MTPAP: variants seen among roughly 807,000 people sequenced by gnomAD.
MTPAP encodes the protein mitochondrial poly(A) polymerase.
MTPAP carries 23 observed loss-of-function variants against 48.7 expected under a neutral mutation model. The ratio of observed to expected loss-of-function variants is 0.47; its 90% CI spans 0.34 to 0.67. The LOEUF is 0.67. MTPAP is among the 30% of genes least tolerant of loss of function. MTPAP has a pLI of 0.01. For missense variants in MTPAP, 614 were observed against 694.3 expected, an observed-to-expected ratio of 0.88 and a Z score of 1.30; for synonymous variants, 257 against 254.1, an observed-to-expected ratio of 1.01 and a Z score of -0.11.
rs1276150315 is a variant in MTPAP at position 30,349,127 on chromosome 10, A to C, written c.149T>G (p.Val50Gly). The C allele has an allele frequency of 6.2e-7, 1 of 1,613,444 alleles. No individual in the cohort carries two copies. Among genetic ancestry groups the C allele is most frequent in the Non-Finnish European group, 8.5e-7 (1 of 1,179,744 alleles). The change falls in exon 1 of 9, where the codon GTG (valine) becomes GGG (glycine). Residue 50 changes from valine (V) to glycine (G), a missense_variant. This residue lies in a region of MTPAP where 125 missense variants were observed against 111.5 expected (regional missense o/e 1.12). Transcript: ENST00000263063. Reference protein sequence around the residue: ...LRRDEQPSGSVETGFEDKIPK... With the variant: ...LRRDEQPSGSGETGFEDKIPK... ...CAAACCGGCGCCATCACCTGTCTCC[A>C]CGCTCCCTGAAGGCTGCTCGTCTCT... is the stretch of plus-strand genomic sequence containing the variant.
At chr10:30,342,909 T>C (rs1454616439) in intron 1 of MTPAP, among the ~76,000 whole-genome samples, 1 of 152,156 alleles carries the variant, frequency 6.6e-6, no homozygotes, top group Non-Finnish European at 1.5e-5. Flanking sequence ...AAGACAAGAA[T>C]TGTGACAGTG....
Position 30,335,449 on chromosome 10 carries a change from G to A in MTPAP, c.780+1354C>T, listed in dbSNP as rs116431788. Among the ~76,000 whole-genome samples the A allele has an allele frequency of 6.9e-3, 1,054 of 152,144 alleles. 10 individuals carry two copies. The highest frequency in any genetic ancestry group is 0.024 in the African/African-American group (986 of 41,514). ...TGCTGTGAGCCTAGATCACGTCACC[G>A]TACTTCAGCCTAGGCAACAGAGCAA... is the stretch of plus-strand genomic sequence containing the variant. On this transcript the variant is annotated intron_variant, in intron 4 of 8. Coordinates refer to ENST00000263063, the MANE Select transcript of MTPAP (RefSeq NM_018109.4).
intron 4 of MTPAP, among the ~76,000 whole-genome samples, chr10:30,332,597 A>G (rs182112515): frequency 1.4e-4 from 21 of 152,162 alleles, no homozygotes; most frequent in African/African-American, 5.1e-4. Flanking sequence ...CCCGGCCCAA[A>G]ATGCCTAATT....
intron 1 of MTPAP, among the ~76,000 whole-genome samples, chr10:30,342,320 T>C (rs1420640895): frequency 2.6e-5 from 4 of 151,494 alleles, no homozygotes. Context: ...ATGAATGTGG[T>C]CTCTCTCTCT....
chr10:30,331,506 A>C (rs1270561084), intron 4 of MTPAP, among the ~76,000 whole-genome samples: 1 of 152,240 alleles, frequency 6.6e-6, no homozygotes, highest in Non-Finnish European at 1.5e-5. Flanking sequence ...GACATATTTC[A>C]CATGTAACCA....
At chr10:30,327,961 C>G (rs1481742104) in intron 4 of MTPAP, among the ~76,000 whole-genome samples, 1 of 151,570 alleles carries the variant, frequency 6.6e-6, no homozygotes, top group South Asian at 2.1e-4. Context: ...CTTAGAATAG[C>G]GAAAGATTCT....
At chr10:30,331,803 G>T (rs1834669811) in intron 4 of MTPAP, among the ~76,000 whole-genome samples, 1 of 152,218 alleles carries the variant, frequency 6.6e-6, no homozygotes, top group African/African-American at 2.4e-5. Context: ...CTGACCTCAG[G>T]TGATCCGCCC....
At position 30,313,701 on chromosome 10, in the gene MTPAP, T is replaced by C; in HGVS notation, c.1657A>G (p.Thr553Ala). The C allele has an allele frequency of 6.2e-7, 1 of 1,614,212 alleles. No homozygotes were observed. Among genetic ancestry groups the C allele is most frequent in the African/African-American group, 1.3e-5 (1 of 75,058 alleles). ...KKKSNKFAIETVKNLLESLKG... is the reference protein window; with the variant it reads ...KKKSNKFAIEAVKNLLESLKG... ...AAAGATTCTAGCAAGTTTTTGACTG[T>C]TTCAATTGCAAACTTATTGCTTTTC... The change falls in exon 9 of 9, where the codon ACA (threonine) becomes GCA (alanine). Residue 553 changes from threonine to alanine, a missense_variant. Physicochemically the swap from Thr to Ala is moderately conservative, Grantham distance 58. Coordinates refer to ENST00000263063, the MANE Select transcript of MTPAP (RefSeq NM_018109.4).
chr10:30,316,230 T>C lies in MTPAP; in HGVS notation c.1220-20A>G. On this transcript the variant is annotated intron_variant, in intron 6 of 8. Coordinates refer to ENST00000263063, the MANE Select transcript of MTPAP (RefSeq NM_018109.4). ...CTGCATCTTAAACACAAACAAAAAA[T>C]ATTTCACGTGTTTTTTTTTTTTCTT... 1 of 1,589,818 alleles carries C rather than the reference T, an allele frequency of 6.3e-7. No homozygotes were observed. The highest frequency in any genetic ancestry group is 8.6e-7 in the Non-Finnish European group (1 of 1,159,806).
Position 30,340,438 on chromosome 10 carries a change from C to G in MTPAP, c.343G>C (p.Val115Leu). Residue 115 changes from valine (V) to leucine (L), a missense_variant, in exon 3 of 9, where the codon GTC (valine) becomes CTC (leucine). Physicochemically the swap from Val to Leu is conservative, Grantham distance 32. Around this residue, in one of 5 missense-constraint regions of MTPAP, gnomAD observed 114 missense variants for 107.9 expected, o/e 1.06. Transcript: ENST00000263063. ...CTTTCCTTTTGGCAAAATTCTACGA[C>G]AGCATAGAGACCCTATACCAAAAAC... ...FFYESFGLYAVVEFCQKESIG... is the reference protein window; with the variant it reads ...FFYESFGLYALVEFCQKESIG... 6.2e-7 allele frequency: 1 copy of G among 1,613,694 alleles called. No individual in the cohort carries two copies. The highest frequency in any genetic ancestry group is 8.5e-7 in the Non-Finnish European group (1 of 1,179,618).
chr10:30,333,956 ATC>A (rs2132861131), intron 4 of MTPAP, among the ~76,000 whole-genome samples: 1 of 152,242 alleles, frequency 6.6e-6, no homozygotes, highest in South Asian at 2.1e-4. Context: ...TTTAATTTTT[ATC>A]TGTTTCCTAT....
rs1441939529 is a variant in MTPAP at position 30,324,483 on chromosome 10, G to C, written c.993-1866C>G. ...AAAGGAGGATTGTTTGGGCCCAAGA[G>C]TTCGAGGCTACAGTGAGCTATGATC... On this transcript the variant is annotated intron_variant, in intron 5 of 8. Transcript: ENST00000263063. 2.0e-5 allele frequency among the ~76,000 whole-genome samples: 3 copies of C among 152,190 alleles called. No individual in the cohort carries two copies. The South Asian group carries it at 6.2e-4, about 32-fold the overall frequency.
rs1442770785 is a variant in MTPAP at position 30,313,741 on chromosome 10, C to T, written c.1617G>A (p.Lys539=). ...SLLLPSAPNR[K]SFTKKKSNKF... is the part of the protein sequence containing the mutation. ...TATTGCTTTTCTTCTTGGTAAAGGA[C>T]TTTCTGTTTGGAGCAGATGGTAGCA... Residue 539 remains lysine, a synonymous_variant, in exon 9 of 9, where the codon AAG becomes AAA. Coordinates refer to ENST00000263063, the MANE Select transcript of MTPAP (RefSeq NM_018109.4). The T allele has an allele frequency of 1.2e-6, 2 of 1,614,168 alleles. No individual in the cohort carries two copies. The highest frequency in any genetic ancestry group is 2.2e-5 in the East Asian group (1 of 44,890).
intron 5 of MTPAP, among the ~76,000 whole-genome samples, chr10:30,324,125 T>C (rs1471662682): frequency 6.6e-6 from 1 of 152,156 alleles, no homozygotes; most frequent in East Asian, 1.9e-4. Flanking sequence ...GAGGCTGCAG[T>C]GTGCCAAAAT....
At chr10:30,343,322 G>C (rs1251004285) in intron 1 of MTPAP, among the ~76,000 whole-genome samples, 1 of 150,964 alleles carries the variant, frequency 6.6e-6, no homozygotes, top group South Asian at 2.1e-4. Context: ...GCTGAGGTAG[G>C]AGAATCACTT....
chr10:30,337,862 A>G (rs1412307980), intron 3 of MTPAP, among the ~76,000 whole-genome samples: 1 of 152,214 alleles, frequency 6.6e-6, no homozygotes, highest in Non-Finnish European at 1.5e-5. Context: ...AATCCTGTCT[A>G]TCCACTAGAA....
chr10:30,328,939 T>C (rs766683338), intron 4 of MTPAP, among the ~76,000 whole-genome samples: 8 of 152,190 alleles, frequency 5.3e-5, no homozygotes, highest in African/African-American at 1.2e-4. Flanking sequence ...CTAGGTTGTT[T>C]TGTTGTTGTT....
At chr10:30,345,639 T>A (rs1834865769) in intron 1 of MTPAP, among the ~76,000 whole-genome samples, 1 of 152,238 alleles carries the variant, frequency 6.6e-6, no homozygotes, top group Non-Finnish European at 1.5e-5. Context: ...CAAAGGTTTA[T>A]CAAATCTATA....
chr10:30,324,219 A>G (rs1834553122), intron 5 of MTPAP, among the ~76,000 whole-genome samples: 1 of 152,110 alleles, frequency 6.6e-6, no homozygotes, highest in South Asian at 2.1e-4. Flanking sequence ...ATCGATAAAG[A>G]CAAAAAGGCA....
Sources: gnomAD v4.1 joint callset for allele counts (sites outside exome capture counted in the v4.1 genomes callset) on GRCh38, gnomAD v4.1.1 for gene constraint, gnomAD v4.1.1 regional missense constraint, MANE v1.5 for transcripts, NCBI Gene and HGNC (gene_info 2026-07-23, HGNC 2026-07-21) for gene names.